Variants in ADAM18 observed in about 807,000 individuals in gnomAD.
The protein encoded by ADAM18 is ADAM metallopeptidase domain 18.
Under a neutral mutation model 94.4 loss-of-function variants are expected in ADAM18, and 117 were observed. The observed-to-expected ratio is 1.24, with a 90% CI of 1.07 to 1.45. The LOEUF (loss-of-function observed/expected upper bound fraction) is 1.45, where lower values mean the gene tolerates loss of function less well. ADAM18 is among the 40% of genes most tolerant of loss of function. The pLI is 0.00. For synonymous variants in ADAM18, 327 were observed against 291.6 expected (o/e 1.12, Z -1.24); for missense variants, 936 against 880.0 (o/e 1.06, Z -0.81).
At position 39,638,536 on chromosome 8, in the gene ADAM18, G is replaced by A. The variant is rs528342311; in HGVS notation, c.899G>A (p.Gly300Asp). Reference sequence around the variant, plus strand: ...GTATGCAATAAAAGCTATGATGCAGGTATTGCTATGGTATGTAATTTTTAT... The same window carrying A: ...GTATGCAATAAAAGCTATGATGCAGATATTGCTATGGTATGTAATTTTTAT... ...GTVCNKSYDA[G>D]IAMYPDAIGL... The change falls in exon 10 of 20, where the codon GGT (glycine) becomes GAT (aspartate). Residue 300 changes from glycine (G) to aspartate (D), a missense_variant. By Grantham distance (94) the Gly-to-Asp change is moderately conservative. Coordinates refer to ENST00000265707, the MANE Select transcript of ADAM18 (RefSeq NM_014237.3). The A allele has an allele frequency of 2.6e-6, 4 of 1,563,692 alleles. No individual in the cohort carries two copies. The South Asian group carries it at 4.9e-5, about 19-fold the overall frequency.
chr8:39,671,643 T>C (rs1387137749), intron 14 of ADAM18, among the ~76,000 whole-genome samples: 1 of 152,178 alleles, frequency 6.6e-6, no homozygotes, highest in Non-Finnish European at 1.5e-5. Flanking sequence ...ATTTTGAGGC[T>C]CCAGGCTTCT....
Position 39,723,898 on chromosome 8 carries a change from A to T in ADAM18, c.2168A>T (p.Glu723Val), listed in dbSNP as rs76378145. 6.6e-7 allele frequency: 1 copy of T among 1,522,250 alleles called. No individual in the cohort carries two copies. Among genetic ancestry groups the T allele is most frequent in the Non-Finnish European group, 8.9e-7 (1 of 1,126,130 alleles). 94.3% of individuals were successfully genotyped at this position (1,522,250 alleles called of 1,614,324 possible). ...AAATCATGTAACAGAGAGAATGCAG[A>T]GTATAATCGGTAAATATGATATAGA... is the stretch of plus-strand genomic sequence containing the variant. The part of the protein sequence containing the change: ...ISKSCNRENA[E>V]YNRNSSVVSE... Residue 723 changes from glutamate (E) to valine (V), a missense_variant, in exon 19 of 20, where the codon GAG becomes GTG. Physicochemically the swap from Glu to Val is moderately radical, Grantham distance 121. Coordinates refer to ENST00000265707, the MANE Select transcript of ADAM18 (RefSeq NM_014237.3).
At chr8:39,644,344 G>A (rs2129579477) in intron 10 of ADAM18, among the ~76,000 whole-genome samples, 1 of 152,220 alleles carries the variant, frequency 6.6e-6, no homozygotes, top group Admixed American at 6.5e-5. Context: ...CCAGGCTGGA[G>A]TACAGTGGTG....
intron 14 of ADAM18, among the ~76,000 whole-genome samples, 199 bp from the exon 15 acceptor site, chr8:39,677,232 C>A (rs1212151217): frequency 6.6e-6 from 1 of 152,070 alleles, no homozygotes; most frequent in African/African-American, 2.4e-5. Flanking sequence ...TAACTTATTG[C>A]AATAGATATA....
intron 10 of ADAM18, 136 bp from the exon 11 acceptor site, chr8:39,645,202 T>C (rs1297854201): frequency 1.4e-6 from 1 of 722,944 alleles, no homozygotes; most frequent in African/African-American, 1.8e-5. Context: ...ATAAATGGCA[T>C]ACCAAAATAA....
At chr8:39,615,881 T>TA (rs981853739) in intron 6 of ADAM18, among the ~76,000 whole-genome samples, 1 of 151,800 alleles carries the variant, frequency 6.6e-6, no homozygotes, top group Non-Finnish European at 1.5e-5. Context: ...AAAATCAATG[T>TA]AAAAAAAATA....
Position 39,715,880 on chromosome 8 carries a change from G to A in ADAM18, c.2018-7868G>A, listed in dbSNP as rs551017733. 1.8e-4 allele frequency among the ~76,000 whole-genome samples: 28 copies of A among 151,908 alleles called. 1 individual carries two copies. Among genetic ancestry groups the A allele is most frequent in the Non-Finnish European group, 3.7e-4 (25 of 67,948 alleles). ...ACCAAACATTTAAGTAAGAAATTACGCTAATTCTCTGCAATACCTTTGAGG... is the reference window on the plus strand; with the variant it reads ...ACCAAACATTTAAGTAAGAAATTACACTAATTCTCTGCAATACCTTTGAGG... On this transcript the variant is annotated intron_variant, in intron 18 of 19. Coordinates refer to ENST00000265707, the MANE Select transcript of ADAM18 (RefSeq NM_014237.3).
At chr8:39,599,270 T>C (rs959679268) in intron 2 of ADAM18, among the ~76,000 whole-genome samples, 5 of 152,214 alleles carry the variant, frequency 3.3e-5, no homozygotes, top group African/African-American at 4.8e-5. Flanking sequence ...AAAAAATTTG[T>C]ATAAAATATG....
At chr8:39,643,254 A>AT (rs1820282807) in intron 10 of ADAM18, among the ~76,000 whole-genome samples, 2 of 151,896 alleles carry the variant, frequency 1.3e-5, no homozygotes, top group African/African-American at 4.8e-5. Context: ...TCTTCTTTGG[A>AT]TGCCTTCTTT....
At chr8:39,611,631 A>G (rs1819274487) in intron 6 of ADAM18, 2 of 971,372 alleles carry the variant, frequency 2.1e-6, no homozygotes, top group South Asian at 9.5e-5. Flanking sequence ...GCTTCCACAT[A>G]TACATCAGAG....
intron 18 of ADAM18, among the ~76,000 whole-genome samples, chr8:39,708,652 CA>C (rs1323907829): frequency 2.6e-5 from 4 of 152,230 alleles, no homozygotes; most frequent in Non-Finnish European, 5.9e-5. Flanking sequence ...CTCATTTGCA[CA>C]ACCTGCAGTT....
At chr8:39,603,937 A>G (rs1464122155) in intron 2 of ADAM18, among the ~76,000 whole-genome samples, 1 of 152,162 alleles carries the variant, frequency 6.6e-6, no homozygotes, top group East Asian at 1.9e-4. Context: ...TTGATGTTCA[A>G]CCTCACTAAT....
intron 18 of ADAM18, among the ~76,000 whole-genome samples, chr8:39,708,049 T>C (rs1586002769): frequency 6.6e-6 from 1 of 152,174 alleles, no homozygotes; most frequent in South Asian, 2.1e-4. Context: ...TCGTTGGACT[T>C]GGGAATGATT....
intron 19 of ADAM18, among the ~76,000 whole-genome samples, chr8:39,725,969 A>G (rs1247887954): frequency 1.3e-5 from 2 of 152,038 alleles, no homozygotes; most frequent in East Asian, 3.9e-4. Context: ...ATTTCCACCA[A>G]CATTGTACAA....
At chr8:39,618,072 A>G (rs1278005055) in intron 6 of ADAM18, among the ~76,000 whole-genome samples, 3 of 152,234 alleles carry the variant, frequency 2.0e-5, no homozygotes, top group Admixed American at 6.5e-5. Flanking sequence ...CTGTAAGTAT[A>G]CACATAGACT....
chr8:39,638,589 TTA>T, intron 10 of ADAM18, 43 bp downstream of exon 10: 2 of 1,213,740 alleles, frequency 1.6e-6, no homozygotes, highest in Non-Finnish European at 2.3e-6. Context: ...TTTTTAGGCC[TTA>T]TATTATATTT....
At chr8:39,697,505 A>T (rs994755608) in intron 17 of ADAM18, among the ~76,000 whole-genome samples, 2 of 151,610 alleles carry the variant, frequency 1.3e-5, no homozygotes, top group Non-Finnish European at 3.0e-5. Context: ...AAGGTAGTGA[A>T]TTTTTTCACA....
chr8:39,589,913 G>A (rs985179033), intron 2 of ADAM18, among the ~76,000 whole-genome samples: 4 of 150,740 alleles, frequency 2.7e-5, no homozygotes, highest in South Asian at 4.2e-4. Flanking sequence ...TAGAATGGCA[G>A]TCATTAAAAA....
chr8:39,646,201 A>G (rs1413051848), intron 11 of ADAM18, among the ~76,000 whole-genome samples: 1 of 152,150 alleles, frequency 6.6e-6, no homozygotes, highest in Non-Finnish European at 1.5e-5. Context: ...AAGTATTGCT[A>G]TCTGAGACGA....
Sources: gnomAD v4.1 joint callset for allele counts (sites outside exome capture counted in the v4.1 genomes callset) on GRCh38, gnomAD v4.1.1 for gene constraint, MANE v1.5 for transcripts, NCBI Gene and HGNC (gene_info 2026-07-23, HGNC 2026-07-21) for gene names.